The following PPDPFL variants were observed in gnomAD, a reference collection of about 807,000 sequenced individuals.
PPDPFL encodes pancreatic progenitor cell differentiation and proliferation factor-like protein.
A neutral mutation model predicts 12.6 loss-of-function variants in PPDPFL; 12 were observed. The observed-to-expected ratio is 0.95, with a 90% CI of 0.61 to 1.54. The LOEUF (loss-of-function observed/expected upper bound fraction) is 1.54. PPDPFL is among the 40% of genes most tolerant of loss of function. The probability of loss-of-function intolerance (pLI) is 0.00; values close to 1 mark genes in which losing one functional copy is unlikely to be tolerated. For missense variants in PPDPFL, 114 were observed against 96.0 expected (o/e 1.19, Z -0.78); for synonymous variants, 24 against 32.7 (o/e 0.73, Z 0.91).
chr8:49,067,239 C>A (rs193224081), intron 1 of PPDPFL, among the ~76,000 whole-genome samples: 3 of 152,106 alleles, frequency 2.0e-5, no homozygotes, highest in African/African-American at 7.2e-5. Context: ...TTTTGGCAAC[C>A]TTTTCTGCAA....
intron 4 of PPDPFL, chr8:49,074,890 A>G (rs1808464405): frequency 4.3e-6 from 6 of 1,387,020 alleles, no homozygotes; most frequent in African/African-American, 2.9e-5. Flanking sequence ...ACTAAATGGA[A>G]TAGAAAGAAT....
At chr8:49,055,387 C>G (rs750068720) in intron 1 of PPDPFL, among the ~76,000 whole-genome samples, 2 of 152,088 alleles carry the variant, frequency 1.3e-5, no homozygotes, top group Non-Finnish European at 2.9e-5. Context: ...ATAATTTCTG[C>G]TACTGCACTA....
intron 4 of PPDPFL, 124 bp downstream of exon 4, chr8:49,074,457 A>G: frequency 1.9e-6 from 3 of 1,546,092 alleles, no homozygotes; most frequent in East Asian, 2.4e-5. Context: ...AGCCTTGCCT[A>G]TGAAGCGCAC....
At chr8:49,058,337 C>T (rs1365385597) in intron 1 of PPDPFL, among the ~76,000 whole-genome samples, 1 of 152,132 alleles carries the variant, frequency 6.6e-6, no homozygotes, top group Non-Finnish European at 1.5e-5. Flanking sequence ...ATTTGTTGTT[C>T]CATTTCTGTG....
chr8:49,059,780 A>G (rs1192506413), intron 1 of PPDPFL, among the ~76,000 whole-genome samples: 1 of 152,162 alleles, frequency 6.6e-6, no homozygotes, highest in African/African-American at 2.4e-5. Context: ...GTTACATAAA[A>G]CTATCTTACT....
chr8:49,060,317 G>C (rs1430878880), intron 1 of PPDPFL, among the ~76,000 whole-genome samples: 1 of 151,918 alleles, frequency 6.6e-6, no homozygotes, highest in Non-Finnish European at 1.5e-5. Flanking sequence ...TTGTTTGTTT[G>C]TTTGTTTATT....
rs371524066 is a variant in PPDPFL at position 49,072,850 on chromosome 8, T to C, written c.20T>C (p.Ile7Thr). MASVPS[I>T]GCLLARNQYY... Reference sequence around the variant, plus strand: ...AAAGCCATGGCATCCGTACCTTCCATTGGTTGCCTTCTAGCCAGAAATCAG... The same window carrying C: ...AAAGCCATGGCATCCGTACCTTCCACTGGTTGCCTTCTAGCCAGAAATCAG... The change falls in exon 2 of 5, where the codon ATT becomes ACT. Residue 7 changes from isoleucine (I) to threonine (T), a missense_variant. Physicochemically the swap from Ile to Thr is moderately conservative, Grantham distance 89 (BLOSUM62 -1). Transcript: ENST00000522267. 21 of 1,606,456 alleles carry C rather than the reference T, an allele frequency of 1.3e-5. No individual in the cohort carries two copies. The highest frequency in any genetic ancestry group is 1.8e-5 in the Non-Finnish European group (21 of 1,177,100).
At chr8:49,074,980 T>A in intron 4 of PPDPFL, 172 bp from the exon 5 acceptor site, 1 of 1,372,156 alleles carries the variant, frequency 7.3e-7, no homozygotes, top group Non-Finnish European at 9.6e-7. Flanking sequence ...AAATTTAGAA[T>A]CATTATTTAA....
chr8:49,068,869 G>A (rs1488216758), upstream of PPDPFL, among the ~76,000 whole-genome samples: 1 of 152,126 alleles, frequency 6.6e-6, no homozygotes, highest in African/African-American at 2.4e-5. Flanking sequence ...AACCTCTAAA[G>A]TTCAAATTGT....
At chr8:49,073,015 A>G in intron 2 of PPDPFL, 130 bp downstream of exon 2, 4 of 817,528 alleles carry the variant, frequency 4.9e-6, no homozygotes, top group African/African-American at 1.8e-5. Flanking sequence ...CAATGAAGAA[A>G]GCAGGAGGCC....
intron 1 of PPDPFL, among the ~76,000 whole-genome samples, chr8:49,062,551 T>G (rs1808227227): frequency 6.6e-6 from 1 of 152,056 alleles, no homozygotes; most frequent in Admixed American, 6.6e-5. Flanking sequence ...CAGTGAGGCT[T>G]ATTTTCTGTT....
chr8:49,072,905 A>T lies in PPDPFL; in HGVS notation c.55+20A>T. Reference sequence around the variant, plus strand: ...ATCGAAGTAAGTTGCATCATCATAGAGACGTCCCTAGATAATATGATTTGA... The same window carrying T: ...ATCGAAGTAAGTTGCATCATCATAGTGACGTCCCTAGATAATATGATTTGA... On this transcript the variant is annotated intron_variant, in intron 2 of 4. Coordinates refer to ENST00000522267, the MANE Select transcript of PPDPFL (RefSeq NM_001256597.2). 1 of 1,585,406 alleles carries T rather than the reference A, an allele frequency of 6.3e-7. No individual in the cohort carries two copies. The highest frequency in any genetic ancestry group is 8.6e-7 in the Non-Finnish European group (1 of 1,160,684).
chr8:49,056,574 A>G (rs1808115573), intron 1 of PPDPFL, among the ~76,000 whole-genome samples: 1 of 152,206 alleles, frequency 6.6e-6, no homozygotes, highest in African/African-American at 2.4e-5. Context: ...TACATACACA[A>G]AAAGTCTTTG....
chr8:49,065,865 C>A (rs341815), intron 1 of PPDPFL, among the ~76,000 whole-genome samples: 45,881 of 152,110 alleles, frequency 0.3, 7,213 homozygotes, highest in Middle Eastern at 0.39. Flanking sequence ...TCCCTATTGA[C>A]GTCCGAGTTG....
intron 1 of PPDPFL, among the ~76,000 whole-genome samples, chr8:49,067,000 C>T (rs1808310839): frequency 6.6e-6 from 1 of 152,134 alleles, no homozygotes; most frequent in Admixed American, 6.5e-5. Context: ...ATGAACTGAC[C>T]ACCATCCTCC....
chr8:49,056,413 C>T (rs747026733), intron 1 of PPDPFL, among the ~76,000 whole-genome samples: 3 of 152,168 alleles, frequency 2.0e-5, no homozygotes, highest in Non-Finnish European at 4.4e-5. Flanking sequence ...AGTCCTCCAA[C>T]ACTCTTTCTC....
intron 4 of PPDPFL, chr8:49,074,925 C>T: frequency 7.2e-7 from 1 of 1,380,030 alleles, no homozygotes; most frequent in Non-Finnish European, 9.5e-7. Flanking sequence ...TTCATAGATG[C>T]CAATGTTGAA....
At chr8:49,061,522 G>A (rs1037935339) in intron 1 of PPDPFL, among the ~76,000 whole-genome samples, 6 of 152,210 alleles carry the variant, frequency 3.9e-5, no homozygotes, top group Admixed American at 6.5e-5. Flanking sequence ...GGAATGGTGC[G>A]ATGGTGGAAG....
intron 1 of PPDPFL, among the ~76,000 whole-genome samples, chr8:49,061,362 G>T (rs1808199448): frequency 6.6e-6 from 1 of 152,150 alleles, no homozygotes; most frequent in South Asian, 2.1e-4. Flanking sequence ...AACCAACCCT[G>T]TGGACACATT....
Sources: allele counts gnomAD v4.1 joint callset (sites outside exome capture counted in the v4.1 genomes callset), GRCh38; gene constraint gnomAD v4.1.1; transcripts MANE v1.5; gene names NCBI Gene and HGNC (gene_info 2026-07-23, HGNC 2026-07-21).